ZNF146: variants seen among roughly 807,000 people sequenced by gnomAD.
ZNF146 encodes zinc finger protein 146.
In ZNF146, 9 loss-of-function variants were observed where a neutral mutation model predicts 22.2. The ratio of observed to expected loss-of-function variants is 0.41; its 90% CI spans 0.24 to 0.71. The LOEUF is 0.71. Ranked by LOEUF, ZNF146 falls within the 30% of genes least tolerant of loss-of-function variation. The pLI is 0.34. For missense variants in ZNF146, 194 were observed against 344.8 expected (o/e 0.56, Z 3.46); for synonymous variants, 108 against 119.2 (o/e 0.91, Z 0.61).
chr19:36,236,353 A>T lies in ZNF146; in HGVS notation c.-88A>T. ...AGCCTTATAAATGTAAGAGATGTGG[A>T]AATATCTTCAGCCAAAAGTAAATCC... On this transcript the variant is annotated 5_prime_UTR_variant, in exon 4 of 4. It introduces an in-frame stop codon into an upstream open reading frame of the 5' UTR. Coordinates refer to ENST00000443387, the MANE Select transcript of ZNF146 (RefSeq NM_007145.3). The T allele has an allele frequency of 6.8e-7, 1 of 1,461,212 alleles. No individual in the cohort carries two copies. The highest frequency in any genetic ancestry group is 9.2e-7 in the Non-Finnish European group (1 of 1,087,440). The allele number at this position is 1,461,212 out of a possible 1,614,324, so 90.5% of individuals were successfully genotyped here. A position where few individuals can be genotyped will look rare whatever the true frequency, so the allele number is the denominator to read the frequency against.
At chr19:36,219,743 A>C (rs1976757667) in intron 2 of ZNF146, among the ~76,000 whole-genome samples, 1 of 152,178 alleles carries the variant, frequency 6.6e-6, no homozygotes, top group South Asian at 2.1e-4. Flanking sequence ...AGGTATTGTA[A>C]AGTGATGATT....
chr19:36,223,308 A>C, intron 2 of ZNF146, among the ~76,000 whole-genome samples: 1 of 150,986 alleles, frequency 6.6e-6, no homozygotes, highest in East Asian at 2.0e-4. Context: ...ACACCACTGC[A>C]CTTTAGCCTG....
At chr19:36,223,624 A>T (rs903135856) in intron 2 of ZNF146, among the ~76,000 whole-genome samples, 2 of 151,952 alleles carry the variant, frequency 1.3e-5, no homozygotes, top group Non-Finnish European at 2.9e-5. Context: ...CGGCCCTCCA[A>T]AGTGCTGGGA....
intron 1 of ZNF146, among the ~76,000 whole-genome samples, chr19:36,216,809 G>A (rs182898520): frequency 1.1e-3 from 122 of 112,838 alleles, no homozygotes; most frequent in Middle Eastern, 4.7e-3. Context: ...GGGGAGATGG[G>A]GACCCAACAC....
At chr19:36,214,839 C>G (rs1357666784), upstream of ZNF146, 1 of 152,658 alleles carries the variant, frequency 6.6e-6, no homozygotes, top group Non-Finnish European at 1.5e-5. Context: ...GTCGCCACTC[C>G]AGACCTTCCA....
intron 1 of ZNF146, among the ~76,000 whole-genome samples, chr19:36,215,552 T>A (rs1380138462): frequency 6.6e-6 from 1 of 152,192 alleles, no homozygotes; most frequent in South Asian, 2.1e-4. Flanking sequence ...GCGTCTTTTT[T>A]ACTTGAAAAT....
At chr19:36,228,988 C>A (rs988719730) in intron 3 of ZNF146, among the ~76,000 whole-genome samples, 169 bp downstream of exon 3, 3 of 152,122 alleles carry the variant, frequency 2.0e-5, no homozygotes, top group African/African-American at 7.2e-5. Context: ...TTTCATTATT[C>A]TTCTTCTTTC....
At position 36,236,392 on chromosome 19, in the gene ZNF146, A is replaced by C. The variant is rs921337231; in HGVS notation, c.-49A>C. 6.5e-7 allele frequency: 1 copy of C among 1,541,758 alleles called. No homozygotes were observed. The highest frequency in any genetic ancestry group is 8.7e-7 in the Non-Finnish European group (1 of 1,149,844). ...AAAAGTAAATCCTCACTCATCAAGA[A>C]ATTTTTACTGGAGAGAAACCTTGTG... On this transcript the variant is annotated 5_prime_UTR_variant, in exon 4 of 4. Coordinates refer to ENST00000443387, the MANE Select transcript of ZNF146 (RefSeq NM_007145.3).
At chr19:36,235,235 G>C (rs775608460) in intron 3 of ZNF146, among the ~76,000 whole-genome samples, 6 of 147,658 alleles carry the variant, frequency 4.1e-5, no homozygotes, top group Non-Finnish European at 7.5e-5. Context: ...AAAGAAAGAT[G>C]AACATTATTT....
chr19:36,228,132 C>T (rs1449742304), intron 2 of ZNF146, among the ~76,000 whole-genome samples: 1 of 144,742 alleles, frequency 6.9e-6, no homozygotes, highest in Non-Finnish European at 1.5e-5. Context: ...TGCACTCTAG[C>T]CTGGGCAACA....
intron 3 of ZNF146, among the ~76,000 whole-genome samples, chr19:36,234,092 G>T (rs199589235): frequency 1.3e-5 from 2 of 151,418 alleles, no homozygotes; most frequent in Non-Finnish European, 1.5e-5. Flanking sequence ...TGACTCTTAA[G>T]GAGCATGCTG....
chr19:36,236,763 C>T lies in ZNF146; in HGVS notation c.323C>T (p.Ala108Val). Reference protein sequence around the residue: ...KPFECKDCGKAFIQKSNLIRH... With the variant: ...KPFECKDCGKVFIQKSNLIRH... ...TTTGAGTGTAAAGATTGCGGGAAAG[C>T]TTTCATTCAGAAGTCAAACCTCATC... Residue 108 changes from alanine (A) to valine (V), a missense_variant, in exon 4 of 4, where the codon GCT becomes GTT. Coordinates refer to ENST00000443387, the MANE Select transcript of ZNF146 (RefSeq NM_007145.3). The T allele has an allele frequency of 6.2e-7, 1 of 1,614,144 alleles. No homozygotes were observed. Among genetic ancestry groups the T allele is most frequent in the Non-Finnish European group, 8.5e-7 (1 of 1,180,028 alleles).
At chr19:36,232,069 G>C (rs1977399360) in intron 3 of ZNF146, among the ~76,000 whole-genome samples, 1 of 151,818 alleles carries the variant, frequency 6.6e-6, no homozygotes, top group South Asian at 2.1e-4. Context: ...TGGGCGTGGT[G>C]ATGCACACCT....
At chr19:36,217,019 G>C (rs950380133) in intron 1 of ZNF146, among the ~76,000 whole-genome samples, 2 of 149,776 alleles carry the variant, frequency 1.3e-5, no homozygotes, top group African/African-American at 2.5e-5. Context: ...AGATCCTGGC[G>C]ACAGCATTCC....
intron 3 of ZNF146, among the ~76,000 whole-genome samples, chr19:36,233,524 T>C (rs1487748135): frequency 6.6e-6 from 1 of 151,970 alleles, no homozygotes; most frequent in Non-Finnish European, 1.5e-5. Context: ...GACCGGCCTC[T>C]TGAGTTCCCT....
rs1208762225 is a variant in ZNF146, at chr19:36,237,542, A to T, written c.*223A>T. ...AAACCTGCAGCAGAGATAATGGTGA[A>T]AGTTTAGGCACATTTTCACTAAAAG... is the stretch of plus-strand genomic sequence containing the variant. On this transcript the variant is annotated 3_prime_UTR_variant, in exon 4 of 4. Transcript: ENST00000443387. The T allele has an allele frequency of 2.5e-6, 1 of 400,604 alleles. No homozygotes were observed. The highest frequency in any genetic ancestry group is 4.4e-6 in the Non-Finnish European group (1 of 225,984). 24.8% of individuals were successfully genotyped at this position (400,604 alleles called of 1,614,324 possible).
intron 2 of ZNF146, among the ~76,000 whole-genome samples, chr19:36,219,043 C>G (rs552065852): frequency 6.7e-6 from 1 of 148,672 alleles, no homozygotes; most frequent in Non-Finnish European, 1.5e-5. Context: ...CTCCTGACCT[C>G]GTGATCCGCC....
rs1977684876 is a variant in ZNF146 at position 36,237,421 on chromosome 19, GTTAACT to G, written c.*108_*113del. 7.1e-7 allele frequency: 1 copy of G among 1,411,074 alleles called. No individual in the cohort carries two copies. Among genetic ancestry groups the G allele is most frequent in the Non-Finnish European group, 9.4e-7 (1 of 1,059,122 alleles). The allele number at this position is 1,411,074 out of a possible 1,614,324, so 87.4% of individuals were successfully genotyped here. ...TCTGAAGCAAAGCACCACGAATGAG[GTTAACT>G]TTAACAAGTACTAAAAACTTAAGGG... On this transcript the variant is annotated 3_prime_UTR_variant, in exon 4 of 4. Coordinates refer to ENST00000443387, the MANE Select transcript of ZNF146 (RefSeq NM_007145.3).
intron 3 of ZNF146, among the ~76,000 whole-genome samples, chr19:36,232,737 T>C (rs570720986): frequency 1.2e-3 from 176 of 151,942 alleles, no homozygotes; most frequent in South Asian, 8.3e-4. Context: ...GCCTCTTGAG[T>C]AGCTGGGATT....
Sources: allele counts gnomAD v4.1 joint callset (sites outside exome capture counted in the v4.1 genomes callset), GRCh38; gene constraint gnomAD v4.1.1; transcripts MANE v1.5; gene names NCBI Gene and HGNC (gene_info 2026-07-23, HGNC 2026-07-21).